Variants in GPC5 observed in about 807,000 individuals in gnomAD.
GPC5 encodes the protein glypican-5.
GPC5 carries 47 observed loss-of-function variants against 53.9 expected under a neutral mutation model. That is an observed-to-expected ratio of 0.87 (90% CI 0.69 to 1.11). The LOEUF (loss-of-function observed/expected upper bound fraction) is 1.11. Among genes scored for constraint, GPC5 ranks in the 50% most tolerant of loss-of-function variants. The pLI, the probability that GPC5 is intolerant of heterozygous loss-of-function variation, is 0.00. For synonymous variants in GPC5, 286 were observed against 263.3 expected (o/e 1.09, Z -0.84); for missense variants, 748 against 713.1 (o/e 1.05, Z -0.56).
intron 7 of GPC5, among the ~76,000 whole-genome samples, chr13:92,495,625 C>CT (rs71123409): frequency 4.3e-4 from 63 of 147,080 alleles, no homozygotes; most frequent in East Asian, 6.1e-4. Flanking sequence ...TTTAAGGAGA[C>CT]TTTTTTTTTT....
intron 7 of GPC5, among the ~76,000 whole-genome samples, chr13:92,429,093 C>T (rs1373107609): frequency 6.6e-6 from 1 of 151,796 alleles, no homozygotes; most frequent in East Asian, 1.9e-4. Flanking sequence ...AAATTAAAGT[C>T]AAAGGAGAAT....
intron 7 of GPC5, among the ~76,000 whole-genome samples, chr13:92,338,960 G>A (rs948504377): frequency 3.3e-5 from 5 of 151,958 alleles, no homozygotes; most frequent in Admixed American, 1.3e-4. Context: ...TGTTGATAAT[G>A]GGGGAGACTA....
intron 7 of GPC5, among the ~76,000 whole-genome samples, chr13:92,368,436 G>A (rs2043623192): frequency 6.6e-6 from 1 of 151,052 alleles, no homozygotes; most frequent in African/African-American, 2.4e-5. Flanking sequence ...TTGAGGTCAG[G>A]AGTTTAAGAC....
intron 7 of GPC5, among the ~76,000 whole-genome samples, chr13:92,385,335 T>C (rs901304874): frequency 2.4e-5 from 3 of 126,000 alleles, no homozygotes; most frequent in Admixed American, 9.3e-5. Context: ...TATACATATA[T>C]ACATATATAT....
At chr13:92,319,410 T>TAA (rs67635557) in intron 7 of GPC5, among the ~76,000 whole-genome samples, 3,133 of 108,676 alleles carry the variant, frequency 0.029, 123 homozygotes, top group African/African-American at 0.092. Context: ...TCTCTGAAAC[T>TAA]AAAAAAAAAA....
chr13:91,474,292 A>G (rs1263719561), intron 2 of GPC5, among the ~76,000 whole-genome samples: 1 of 152,140 alleles, frequency 6.6e-6, no homozygotes, highest in South Asian at 2.1e-4. Flanking sequence ...TGCTATACCA[A>G]AAATATTTGA....
chr13:92,085,832 G>T (rs1299312455), intron 6 of GPC5, among the ~76,000 whole-genome samples: 2 of 152,130 alleles, frequency 1.3e-5, no homozygotes, highest in African/African-American at 4.8e-5. Flanking sequence ...ATCTGATGCT[G>T]CTGCTGATCT....
chr13:92,643,502 AT>A (rs1272481606), intron 7 of GPC5, among the ~76,000 whole-genome samples: 2 of 144,858 alleles, frequency 1.4e-5, no homozygotes, highest in African/African-American at 5.1e-5. Context: ...GATAGACTGG[AT>A]TAAGAAAATG....
chr13:91,891,556 G>T lies in GPC5; in HGVS notation c.1281-16381G>T, dbSNP rs140988803. The stretch of plus-strand genomic sequence containing the variant: ...TGCTCATGAATAGTTTCTGCATTTG[G>T]GGGGATCAAGTAGGGAGAAAAAACA... On this transcript the variant is annotated intron_variant, in intron 5 of 7. Coordinates refer to ENST00000377067, the MANE Select transcript of GPC5 (RefSeq NM_004466.6). Among the ~76,000 whole-genome samples the T allele has an allele frequency of 7.0e-3, 1,063 of 152,152 alleles. 13 individuals carry two copies. The highest frequency in any genetic ancestry group is 0.018 in the African/African-American group (730 of 41,514).
intron 7 of GPC5, among the ~76,000 whole-genome samples, chr13:92,319,757 C>T (rs904072962): frequency 1.3e-5 from 2 of 152,136 alleles, no homozygotes; most frequent in Non-Finnish European, 2.9e-5. Context: ...ATGTATCACA[C>T]ATGTTATACG....
At chr13:92,527,583 CTG>C (rs1255748418) in intron 7 of GPC5, among the ~76,000 whole-genome samples, 3 of 151,962 alleles carry the variant, frequency 2.0e-5, no homozygotes, top group Non-Finnish European at 4.4e-5. Flanking sequence ...TACAAAAAAA[CTG>C]GGAGGGAAGA....
At chr13:91,989,100 C>G (rs1412872036) in intron 6 of GPC5, among the ~76,000 whole-genome samples, 1 of 152,138 alleles carries the variant, frequency 6.6e-6, no homozygotes, top group African/African-American at 2.4e-5. Flanking sequence ...GAACCACATC[C>G]TTCATTTGGG....
intron 6 of GPC5, among the ~76,000 whole-genome samples, chr13:92,007,008 G>C (rs56045384): frequency 0.059 from 8,889 of 149,826 alleles, 316 homozygotes; most frequent in Non-Finnish European, 0.084. Flanking sequence ...TAATAATTGA[G>C]TTTGTCTTAT....
At chr13:92,151,682 C>T (rs1339603684) in intron 7 of GPC5, among the ~76,000 whole-genome samples, 1 of 152,132 alleles carries the variant, frequency 6.6e-6, no homozygotes, top group African/African-American at 2.4e-5. Context: ...AAGGATACTT[C>T]TATTTTGAAA....
rs146742463 is a variant in GPC5, at chr13:91,493,032, A to T, written c.325+44110A>T. ...CTTCACTGTTTCTCAATCACTCATG[A>T]ACTCATGTCCTTACTGACCTAGCTT... On this transcript the variant is annotated intron_variant, in intron 2 of 7. Transcript: ENST00000377067. Among the ~76,000 whole-genome samples, 609 of 152,294 alleles carry T rather than the reference A, an allele frequency of 4.0e-3. 4 individuals carry two copies. The highest frequency in any genetic ancestry group is 0.014 in the Middle Eastern group (4 of 294).
intron 7 of GPC5, among the ~76,000 whole-genome samples, chr13:92,473,278 C>T (rs1878978972): frequency 6.6e-6 from 1 of 152,050 alleles, no homozygotes; most frequent in Non-Finnish European, 1.5e-5. Context: ...AAGATACAGA[C>T]TTTGAGTTTT....
chr13:92,271,751 G>A (rs2042841359), intron 7 of GPC5, among the ~76,000 whole-genome samples: 1 of 152,150 alleles, frequency 6.6e-6, no homozygotes, highest in Non-Finnish European at 1.5e-5. Context: ...AAAATGGTGA[G>A]TAGGAGTTCA....
intron 7 of GPC5, among the ~76,000 whole-genome samples, chr13:92,289,773 G>A (rs1187509021): frequency 6.6e-6 from 1 of 151,608 alleles, no homozygotes; most frequent in Non-Finnish European, 1.5e-5. Flanking sequence ...TTTTTCCATA[G>A]TACTAATATT....
intron 7 of GPC5, among the ~76,000 whole-genome samples, chr13:92,441,553 A>G (rs1877565463): frequency 6.6e-6 from 1 of 152,194 alleles, no homozygotes; most frequent in Non-Finnish European, 1.5e-5. Context: ...ATTGAACCTG[A>G]GGGCCAAATC....
Sources: gnomAD v4.1 joint callset for allele counts (sites outside exome capture counted in the v4.1 genomes callset) on GRCh38, gnomAD v4.1.1 for gene constraint, MANE v1.5 for transcripts, NCBI Gene and HGNC (gene_info 2026-07-23, HGNC 2026-07-21) for gene names.